ZNF182: variants seen among roughly 807,000 people sequenced by gnomAD.
The protein encoded by ZNF182 is zinc finger protein 21 (KOX 14).
Under a neutral mutation model 28.1 loss-of-function variants are expected in ZNF182, and 10 were observed. That is an observed-to-expected ratio of 0.36 (90% confidence interval 0.22 to 0.60). The LOEUF (loss-of-function observed/expected upper bound fraction) is 0.60. ZNF182 is among the 20% of genes least tolerant of loss of function. The pLI is 0.75. For missense variants in ZNF182, 352 were observed against 453.2 expected, an observed-to-expected ratio of 0.78 and a Z score of 2.03; for synonymous variants, 156 against 158.7, an observed-to-expected ratio of 0.98 and a Z score of 0.13.
In ZNF182 at chrX:47,983,457, G is replaced by C. The variant is rs782639244; in HGVS notation, c.16-46C>G. The C allele has an allele frequency of 2.0e-5, 23 of 1,149,849 alleles. No homozygotes were observed. The East Asian group carries it at 7.0e-4, about 35-fold the overall frequency. 94.8% of individuals were successfully genotyped at this position (1,149,849 alleles called of 1,213,427 possible). A position where few individuals can be genotyped will look rare whatever the true frequency, so the allele number is the denominator to read the frequency against. On this transcript the variant is annotated intron_variant, in intron 3 of 5. Transcript: ENST00000376943. ...TATTTTAAAATGCTGACCACTAGAT[G>C]ATGAGGATAAAATGCACGGGAACTT...
Position 47,998,068 on chromosome X carries a change from ATTCTT to A in ZNF182, c.15+4522_15+4526del, listed in dbSNP as rs1478721750. On this transcript the variant is annotated intron_variant, in intron 3 of 5. Coordinates refer to ENST00000376943, the MANE Select transcript of ZNF182 (RefSeq NM_001007088.2). ...GCCACTATAAAACAACAGAATATAC[ATTCTT>A]TTCTTTTCTCTTTTTTTTTTTTTTT... Among the ~76,000 whole-genome samples, 24 of 108,830 alleles carry A rather than the reference ATTCTT, an allele frequency of 2.2e-4. No individual in the cohort carries two copies. In the South Asian group the frequency reaches 8.3e-3, roughly 37 times the overall value. The allele number at this position is 108,830 out of a possible 115,157, so 94.5% of individuals were successfully genotyped here.
rs189841616 is a variant in ZNF182, at chrX:47,979,943, C to T, written c.233-2146G>A. On this transcript the variant is annotated intron_variant, in intron 5 of 5. Coordinates refer to ENST00000376943, the MANE Select transcript of ZNF182 (RefSeq NM_001007088.2). ...TTTCATCACTTTGCTTCTTTTATAGCAAGGAATGAGATGAGATCATTTGCT... is the reference window on the plus strand; with the variant it reads ...TTTCATCACTTTGCTTCTTTTATAGTAAGGAATGAGATGAGATCATTTGCT... Among the ~76,000 whole-genome samples, 30 of 105,117 alleles carry T rather than the reference C, an allele frequency of 2.9e-4. No individual in the cohort carries two copies. In the Admixed American group the frequency reaches 3.0e-3, roughly 11 times the overall value. 91.3% of individuals were successfully genotyped at this position (105,117 alleles called of 115,157 possible).
chrX:47,993,768 A>C (rs886116858), intron 3 of ZNF182, among the ~76,000 whole-genome samples: 1 of 111,777 alleles, frequency 8.9e-6, no homozygotes, highest in Admixed American at 9.5e-5. Context: ...TCAATAGTTT[A>C]GTGGTGATGA....
chrX:47,993,005 T>C (rs1409393593), intron 3 of ZNF182, among the ~76,000 whole-genome samples: 7 of 112,922 alleles, frequency 6.2e-5, no homozygotes, highest in African/African-American at 2.3e-4. Context: ...CCACATTCCC[T>C]GGTGCCCCAC....
chrX:47,976,791 A>G lies in ZNF182; in HGVS notation c.1239T>C (p.Cys413=), dbSNP rs782703383. Reference sequence around the variant, plus strand: ...GCGTGAAGGTTTTTCCACACACATCACATTCATAGGGTTTCTCTCCTGTAT... The same window carrying G: ...GCGTGAAGGTTTTTCCACACACATCGCATTCATAGGGTTTCTCTCCTGTAT... ...RTHTGEKPYE[C]DVCGKTFTQK... Residue 413 remains cysteine, a synonymous_variant, in exon 6 of 6, where the codon TGT becomes TGC. Transcript: ENST00000376943. The G allele has an allele frequency of 8.3e-7, 1 of 1,211,343 alleles. No individual in the cohort carries two copies. The highest frequency in any genetic ancestry group is 1.1e-6 in the Non-Finnish European group (1 of 895,377).
rs1603222244 is a variant in ZNF182, at chrX:47,975,278, T to TC, written c.*888dup. 4 of 98,968 alleles carry TC rather than the reference T, an allele frequency of 4.0e-5. 1 individual carries two copies. In the South Asian group the frequency reaches 2.0e-3, roughly 50 times the overall value. The allele number at this position is 98,968 out of a possible 1,213,427, so 8.2% of individuals were successfully genotyped here. A position where few individuals can be genotyped will look rare whatever the true frequency, so the allele number is the denominator to read the frequency against. ...CTGATATGGTGTCATTTAAACAGCT[T>TC]CCAATCTTTTGTTTTCACAAACGCT... On this transcript the variant is annotated 3_prime_UTR_variant, in exon 6 of 6. Transcript: ENST00000376943.
chrX:47,991,456 GA>G (rs1440142870), intron 3 of ZNF182, among the ~76,000 whole-genome samples: 2 of 112,481 alleles, frequency 1.8e-5, no homozygotes, highest in East Asian at 5.5e-4. Context: ...TGTTAAGAAG[GA>G]AAAGGTGACC....
At chrX:47,977,837 T>C (rs2058891610) in intron 5 of ZNF182, 40 bp from the exon 6 acceptor site, 3 of 1,063,052 alleles carry the variant, frequency 2.8e-6, no homozygotes, top group East Asian at 3.1e-5. Context: ...TGCTTTGACA[T>C]TATGGAGCGG....
At chrX:47,977,903 C>A (rs782805371) in intron 5 of ZNF182, 106 bp from the exon 6 acceptor site, 140 of 772,463 alleles carry the variant, frequency 1.8e-4, no homozygotes, top group Non-Finnish European at 2.2e-4. Context: ...CTCATTTTAT[C>A]AGAGTTCCTG....
At chrX:47,992,178 A>C (rs1184654693) in intron 3 of ZNF182, among the ~76,000 whole-genome samples, 1 of 112,196 alleles carries the variant, frequency 8.9e-6, no homozygotes, top group Non-Finnish European at 1.9e-5. Flanking sequence ...GAAAATCTGG[A>C]CACAACAGGC....
rs781831658 is a variant in ZNF182 at position 47,976,761 on chromosome X, C to T, written c.1269G>A (p.Lys423=). ...TTCTCTGATGTACACCAAGGTTTGA[C>T]TTTTGCGTGAAGGTTTTTCCACACA... ...CDVCGKTFTQ[K]SNLGVHQRTH... The change falls in exon 6 of 6, where the codon AAG becomes AAA. Residue 423 remains lysine, a synonymous_variant. Transcript: ENST00000376943. 8.2e-5 allele frequency: 99 copies of T among 1,209,608 alleles called. No individual in the cohort carries two copies. The highest frequency in any genetic ancestry group is 1.1e-4 in the Non-Finnish European group (98 of 895,093).
intron 5 of ZNF182, among the ~76,000 whole-genome samples, chrX:47,979,970 A>G (rs2058899597): frequency 9.1e-6 from 1 of 109,521 alleles, no homozygotes; most frequent in African/African-American, 3.3e-5. Context: ...TCATTTGCTA[A>G]AAGAGAGGGA....
intron 5 of ZNF182, among the ~76,000 whole-genome samples, chrX:47,978,547 G>T (rs1458322355): frequency 6.2e-5 from 7 of 112,185 alleles, no homozygotes; most frequent in Non-Finnish European, 9.4e-5. Flanking sequence ...AAAAATATTT[G>T]CCCAGTCTGG....
At position 47,996,405 on chromosome X, in the gene ZNF182, A is replaced by C. The variant is rs148736388; in HGVS notation, c.15+6190T>G. Among the ~76,000 whole-genome samples, 58 of 111,818 alleles carry C rather than the reference A, an allele frequency of 5.2e-4. No homozygotes were observed. In the East Asian group the frequency reaches 0.016, roughly 31 times the overall value. On this transcript the variant is annotated intron_variant, in intron 3 of 5. Coordinates refer to ENST00000376943, the MANE Select transcript of ZNF182 (RefSeq NM_001007088.2). ...TAGTAAAAAACACAATAGACAAATA[A>C]AAATGTAATCTAAGAAAATGTTCAA...
At chrX:48,001,596 G>A (rs782120366) in intron 3 of ZNF182, among the ~76,000 whole-genome samples, 2 of 111,886 alleles carry the variant, frequency 1.8e-5, no homozygotes, top group South Asian at 3.7e-4. Context: ...GGATCCTTGC[G>A]ATGATGGGGC....
At position 47,976,314 on chromosome X, in the gene ZNF182, A is replaced by G. The variant is rs80216466; in HGVS notation, c.1716T>C (p.Thr572=). ...ATTTATAGGGTTTCTCTCCAGTATG[A>G]GTTCTTTGATGTACAGTGAATGTTG... ...EKSTFTVHQR[T]HTGEKPYKCT... Residue 572 remains threonine, a synonymous_variant, in exon 6 of 6, where the codon ACT becomes ACC. Coordinates refer to ENST00000376943, the MANE Select transcript of ZNF182 (RefSeq NM_001007088.2). 19 of 1,204,668 alleles carry G rather than the reference A, an allele frequency of 1.6e-5. No homozygotes were observed. In the East Asian group the frequency reaches 5.6e-4, roughly 36 times the overall value.
chrX:47,981,075 T>C (rs1166406722), intron 5 of ZNF182, among the ~76,000 whole-genome samples: 1 of 112,181 alleles, frequency 8.9e-6, no homozygotes, highest in Non-Finnish European at 1.9e-5. Context: ...TTTGGAAATA[T>C]TAATTTGAAC....
intron 3 of ZNF182, among the ~76,000 whole-genome samples, chrX:48,001,765 A>G (rs781889251): frequency 1.8e-5 from 2 of 111,746 alleles, no homozygotes; most frequent in East Asian, 5.6e-4. Context: ...AAGGTTACAT[A>G]ATACATGACA....
chrX:47,986,701 G>T (rs1158959509), intron 3 of ZNF182, among the ~76,000 whole-genome samples: 1 of 111,545 alleles, frequency 9.0e-6, no homozygotes, highest in Non-Finnish European at 1.9e-5. Context: ...TTGAGTCAAT[G>T]GAATGGGAAA....
Sources: gnomAD v4.1 joint callset for allele counts (sites outside exome capture counted in the v4.1 genomes callset) on GRCh38, gnomAD v4.1.1 for gene constraint, MANE v1.5 for transcripts, NCBI Gene and HGNC (gene_info 2026-07-23, HGNC 2026-07-21) for gene names.